The following PRSS23 variants were observed in gnomAD, a reference collection of about 807,000 sequenced individuals.
The protein encoded by PRSS23 is protease, serine 23.
PRSS23 carries 25 observed loss-of-function variants against 34.7 expected under a neutral mutation model. That is an observed-to-expected ratio of 0.72 (90% CI 0.53 to 1.01). PRSS23 has a LOEUF of 1.01. Ranked by LOEUF, PRSS23 falls within the 50% of genes least tolerant of loss-of-function variation. The pLI is 0.00. For synonymous variants in PRSS23, 176 were observed against 186.6 expected (o/e 0.94, Z 0.46); for missense variants, 445 against 475.6 (o/e 0.94, Z 0.60).
chr11:86,850,190 A>G (rs968904772), intron 2 of PRSS23, among the ~76,000 whole-genome samples: 6 of 152,172 alleles, frequency 3.9e-5, no homozygotes. Context: ...GATCGAGGCC[A>G]TCAAGCTACA....
chr11:86,827,059 G>A (rs1565357435), intron 2 of PRSS23, among the ~76,000 whole-genome samples: 1 of 152,262 alleles, frequency 6.6e-6, no homozygotes, highest in East Asian at 1.9e-4. Context: ...AATAGTTTCA[G>A]AAGGAATGGT....
At chr11:86,800,473 G>A (rs1948018521), upstream of PRSS23, 1 of 984,102 alleles carries the variant, frequency 1.0e-6, no homozygotes, top group South Asian at 4.7e-5. Flanking sequence ...GCCGGAGGCG[G>A]GGCGGGCGGG....
At chr11:86,947,638 T>C (rs1172001261) in intron 2 of PRSS23, 2 of 152,200 alleles carry the variant, frequency 1.3e-5, no homozygotes. Flanking sequence ...CCCAAGTAAG[T>C]TGCCAGTTCA....
At chr11:86,831,812 G>A (rs190194369) in intron 2 of PRSS23, among the ~76,000 whole-genome samples, 11 of 151,902 alleles carry the variant, frequency 7.2e-5, no homozygotes, top group East Asian at 1.9e-4. Context: ...GTGTCGCAGC[G>A]GGTATACACC....
intron 2 of PRSS23, among the ~76,000 whole-genome samples, chr11:86,835,471 G>A (rs768689659): frequency 1.4e-4 from 22 of 152,218 alleles, no homozygotes; most frequent in Non-Finnish European, 2.9e-4. Context: ...TGGGGCTTGG[G>A]TTAGGGCCCT....
At chr11:86,833,491 T>A in intron 2 of PRSS23, 6 of 299,996 alleles carry the variant, frequency 2.0e-5, no homozygotes, top group Non-Finnish European at 3.2e-5. Flanking sequence ...ATATATATAT[T>A]TACTGTTGCA....
At chr11:86,857,393 G>A (rs745367367) in intron 2 of PRSS23, 17 of 272,546 alleles carry the variant, frequency 6.2e-5, no homozygotes, top group Non-Finnish European at 1.0e-4. Flanking sequence ...CCAAATATAG[G>A]GATATCTAAA....
At position 86,830,030 on chromosome 11, in the gene PRSS23, A is replaced by G. The variant is rs1210144360; in HGVS notation, c.206+6437A>G. Among the ~76,000 whole-genome samples, 5 of 152,210 alleles carry G rather than the reference A, an allele frequency of 3.3e-5. No homozygotes were observed. In the South Asian group the frequency reaches 6.2e-4, roughly 19 times the overall value. On this transcript the variant is annotated intron_variant, in intron 2 of 2. Coordinates refer to the PRSS23 transcript ENST00000533902. ...ACTGCTCTCTTCAAAGCTGTCAGAC[A>G]GGGACATTTAAGTCTGCAGAGGTTA...
At chr11:86,821,711 C>T (rs1948253168) in intron 1 of PRSS23, 24 of 1,459,298 alleles carry the variant, frequency 1.6e-5, no homozygotes, top group Non-Finnish European at 2.2e-5. Context: ...TACTGTTGAA[C>T]AGCTAGTGTA....
chr11:86,825,109 G>C (rs1948288992), intron 2 of PRSS23, among the ~76,000 whole-genome samples: 1 of 151,840 alleles, frequency 6.6e-6, no homozygotes, highest in Admixed American at 6.6e-5. Context: ...GTGTAAAAGT[G>C]TTCCTATTTC....
chr11:86,832,821 A>G, intron 2 of PRSS23: 1 of 299,130 alleles, frequency 3.3e-6, no homozygotes, highest in Non-Finnish European at 6.5e-6. Flanking sequence ...ATGATCCGTG[A>G]GATAGGAAGA....
At chr11:86,922,734 G>C (rs1484667519) in intron 2 of PRSS23, among the ~76,000 whole-genome samples, 1 of 152,152 alleles carries the variant, frequency 6.6e-6, no homozygotes, top group South Asian at 2.1e-4. Context: ...TAGACAGGAA[G>C]GGACACCCAG....
intron 2 of PRSS23, chr11:86,937,158 A>G (rs1219009097): frequency 1.3e-5 from 2 of 152,206 alleles, no homozygotes; most frequent in Non-Finnish European, 2.9e-5. Flanking sequence ...GAGGCTGAGT[A>G]AAGATTGTCA....
exon 3 of PRSS23, chr11:86,951,591 C>T (rs749864267): frequency 8.7e-6 from 14 of 1,614,068 alleles, no homozygotes; most frequent in East Asian, 2.2e-5. Flanking sequence ...ACCACGAACC[C>T]GGTGAGGGCA....
chr11:86,791,371 G>C (rs959964027), intron 1 of PRSS23, among the ~76,000 whole-genome samples: 3 of 152,202 alleles, frequency 2.0e-5, no homozygotes, highest in Non-Finnish European at 4.4e-5. Context: ...ATCTGTGTGC[G>C]GAGGGCAGAA....
At chr11:86,814,967 T>A (rs1948204955), downstream of PRSS23, among the ~76,000 whole-genome samples, 1 of 152,240 alleles carries the variant, frequency 6.6e-6, no homozygotes, top group Non-Finnish European at 1.5e-5. Flanking sequence ...GATTTATCAC[T>A]GCCCCTTGTC....
intron 2 of PRSS23, among the ~76,000 whole-genome samples, chr11:86,927,462 T>C (rs1452098333): frequency 6.6e-6 from 1 of 152,188 alleles, no homozygotes; most frequent in Non-Finnish European, 1.5e-5. Context: ...CCAACAGTAA[T>C]ACTGATAAGA....
At chr11:86,888,591 A>G (rs1051091608) in intron 2 of PRSS23, among the ~76,000 whole-genome samples, 9 of 152,166 alleles carry the variant, frequency 5.9e-5, no homozygotes, top group African/African-American at 2.2e-4. Flanking sequence ...TAAGAAACAG[A>G]TGTTTTGCTG....
intron 2 of PRSS23, among the ~76,000 whole-genome samples, chr11:86,898,096 TTAATTG>T (rs1371689174): frequency 6.6e-6 from 1 of 152,252 alleles, no homozygotes. Context: ...TTAGAAATCT[TTAATTG>T]GAGGCTCATC....
Sources: allele counts gnomAD v4.1 joint callset (sites outside exome capture counted in the v4.1 genomes callset), GRCh38; gene constraint gnomAD v4.1.1; transcripts MANE v1.5; gene names NCBI Gene and HGNC (gene_info 2026-07-23, HGNC 2026-07-21).